The following DYNLT3 variants were observed in gnomAD, a reference collection of about 807,000 sequenced individuals.
DYNLT3 encodes the protein protein 91/23.
Under a neutral mutation model 11.0 loss-of-function variants are expected in DYNLT3, and 4 were observed. The ratio of observed to expected loss-of-function variants is 0.36; its 90% CI spans 0.18 to 0.83. The LOEUF is 0.83. Ranked by LOEUF, DYNLT3 falls within the 40% of genes least tolerant of loss-of-function variation. DYNLT3 has a pLI of 0.47. For missense variants in DYNLT3, 91 were observed against 91.1 expected (o/e 1.00, Z 0.01); for synonymous variants, 37 against 31.2 (o/e 1.18, Z -0.61).
At chrX:37,841,425 T>C (rs947600284) in intron 3 of DYNLT3, among the ~76,000 whole-genome samples, 1 of 110,950 alleles carries the variant, frequency 9.0e-6, no homozygotes, top group East Asian at 2.8e-4. Context: ...GACACAGAAA[T>C]GCAGGAAATA....
At chrX:37,841,400 C>T (rs760355861) in intron 3 of DYNLT3, among the ~76,000 whole-genome samples, 1 of 111,542 alleles carries the variant, frequency 9.0e-6, no homozygotes, top group South Asian at 3.8e-4. Flanking sequence ...TGCTTTGTAC[C>T]ATGGGCAGAA....
intron 1 of DYNLT3, 96 bp downstream of exon 1, chrX:37,847,385 T>G (rs2146836996): frequency 1.0e-6 from 1 of 986,749 alleles, no homozygotes; most frequent in South Asian, 3.8e-5. Context: ...GCACCCCAAC[T>G]CTTGGGACCG....
chrX:37,843,043 G>A (rs1373173572), intron 2 of DYNLT3, among the ~76,000 whole-genome samples: 4 of 111,574 alleles, frequency 3.6e-5, no homozygotes, highest in African/African-American at 9.8e-5. Flanking sequence ...ATTTATGAAG[G>A]CACTAATACA....
In DYNLT3 at chrX:37,839,000, A is replaced by C. The variant is rs1930092799; in HGVS notation, c.*1575T>G. 1 of 111,801 alleles carries C rather than the reference A, an allele frequency of 8.9e-6. No homozygotes were observed. Among genetic ancestry groups the C allele is most frequent in the Non-Finnish European group, 1.9e-5 (1 of 53,200 alleles). 9.2% of individuals were successfully genotyped at this position (111,801 alleles called of 1,213,427 possible). A position where few individuals can be genotyped will look rare whatever the true frequency, so the allele number is the denominator to read the frequency against. On this transcript the variant is annotated 3_prime_UTR_variant, in exon 5 of 5. Transcript: ENST00000378578. Reference sequence around the variant, plus strand: ...CTATTATGATCTTCCAGGGCACAAAAGCCAGCAGCATAAAGAAACATGAAT... The same window carrying C: ...CTATTATGATCTTCCAGGGCACAAACGCCAGCAGCATAAAGAAACATGAAT...
chrX:37,841,579 T>C (rs1231407417), intron 3 of DYNLT3, among the ~76,000 whole-genome samples: 3 of 111,888 alleles, frequency 2.7e-5, no homozygotes, highest in Non-Finnish European at 3.8e-5. Flanking sequence ...CAAAGAAAAG[T>C]AGCTCAAACT....
chrX:37,841,228 A>C, intron 3 of DYNLT3, 123 bp from the exon 4 acceptor site: 2 of 505,941 alleles, frequency 4.0e-6, no homozygotes, highest in Non-Finnish European at 6.3e-6. Flanking sequence ...AACAAACAAA[A>C]AACAGAAAAC....
rs1930119313 is a variant in DYNLT3 at position 37,840,445 on chromosome X, T to G, written c.*130A>C. The G allele has an allele frequency of 2.1e-6, 1 of 475,070 alleles. No individual in the cohort carries two copies. Among genetic ancestry groups the G allele is most frequent in the African/African-American group, 2.5e-5 (1 of 40,104 alleles). 39.2% of individuals were successfully genotyped at this position (475,070 alleles called of 1,213,427 possible). On this transcript the variant is annotated 3_prime_UTR_variant, in exon 5 of 5. Transcript: ENST00000378578. ...TATTGCTTGCTTATAATATTCAGTT[T>G]TTGTTGATAGCTTTAAAGCATATTG...
At chrX:37,840,913 T>C (rs1048795049) in intron 4 of DYNLT3, 115 bp downstream of exon 4, 1 of 780,200 alleles carries the variant, frequency 1.3e-6, no homozygotes, top group Non-Finnish European at 1.9e-6. Context: ...TACAAAGCAA[T>C]ACTGTTGATA....
rs1355339895 is a variant in DYNLT3, at chrX:37,840,552, T to C, written c.*23A>G. On this transcript the variant is annotated 3_prime_UTR_variant, in exon 5 of 5. Coordinates refer to ENST00000378578, the MANE Select transcript of DYNLT3 (RefSeq NM_006520.3). ...ACTGACAAATTCTTAAGTTAATGGC[T>C]TTAGCCCAACATTTTTAGTCAGTTA... 2 of 1,176,107 alleles carry C rather than the reference T, an allele frequency of 1.7e-6. No homozygotes were observed. Among genetic ancestry groups the C allele is most frequent in the East Asian group, 6.1e-5 (2 of 32,667 alleles).
At position 37,840,584 on chromosome X, in the gene DYNLT3, A is replaced by G. The variant is rs1183509788; in HGVS notation, c.342T>C (p.Ile114=). 11 of 1,203,734 alleles carry G rather than the reference A, an allele frequency of 9.1e-6. No homozygotes were observed. Among genetic ancestry groups the G allele is most frequent in the Non-Finnish European group, 1.1e-5 (10 of 891,605 alleles). ...CAACATTTTTAGTCAGTTAAAGAAC[A>G]ATAGCAATGGCAAAAACGTTGACAA... ...NCIVNVFAIA[I]VL is the part of the protein sequence containing the mutation. Residue 114 remains isoleucine, a synonymous_variant, in exon 5 of 5, where the codon ATT becomes ATC. Coordinates refer to ENST00000378578, the MANE Select transcript of DYNLT3 (RefSeq NM_006520.3).
At chrX:37,841,224 CA>C in intron 3 of DYNLT3, 119 bp from the exon 4 acceptor site, 1 of 519,988 alleles carries the variant, frequency 1.9e-6, no homozygotes, top group Non-Finnish European at 3.0e-6. Context: ...AACAAACAAA[CA>C]AAAAACAGAA....
At position 37,847,547 on chromosome X, in the gene DYNLT3, C is replaced by G. The variant is rs1283584754; in HGVS notation, c.-37G>C. The G allele has an allele frequency of 4.2e-6, 4 of 959,861 alleles. No individual in the cohort carries two copies. The African/African-American group carries it at 6.1e-5, about 15-fold the overall frequency. 79.1% of individuals were successfully genotyped at this position (959,861 alleles called of 1,213,427 possible). On this transcript the variant is annotated 5_prime_UTR_variant, in exon 1 of 5. Transcript: ENST00000378578. Reference sequence around the variant, plus strand: ...CTCTCCCTGGGGCGGAGCGACACGCCGGTAGAGCACCGCGGCCGCGCACTG... The same window carrying G: ...CTCTCCCTGGGGCGGAGCGACACGCGGGTAGAGCACCGCGGCCGCGCACTG...
intron 2 of DYNLT3, 107 bp from the exon 3 acceptor site, chrX:37,842,012 T>C (rs1006518044): frequency 4.0e-6 from 3 of 759,065 alleles, no homozygotes; most frequent in African/African-American, 4.3e-5. Flanking sequence ...AATATACTTA[T>C]AGCTCAATAA....
intron 3 of DYNLT3, among the ~76,000 whole-genome samples, chrX:37,841,336 C>T (rs1930154139): frequency 8.9e-6 from 1 of 112,049 alleles, no homozygotes; most frequent in Non-Finnish European, 1.9e-5. Flanking sequence ...GTTTTCTGAC[C>T]ATTGTCATTA....
Position 37,841,144 on chromosome X carries a change from A to G in DYNLT3, c.197-39T>C, listed in dbSNP as rs1011448704. ...CACAGAATGAGGGCACTTACAGACA[A>G]AGGAAAAGAGAACCAAGGTCAAAGT... On this transcript the variant is annotated intron_variant, in intron 3 of 4. Coordinates refer to ENST00000378578, the MANE Select transcript of DYNLT3 (RefSeq NM_006520.3). 10 of 1,143,995 alleles carry G rather than the reference A, an allele frequency of 8.7e-6. No homozygotes were observed. The African/African-American group carries it at 1.8e-4, about 21-fold the overall frequency. The allele number at this position is 1,143,995 out of a possible 1,213,427, so 94.3% of individuals were successfully genotyped here. A position where few individuals can be genotyped will look rare whatever the true frequency, so the allele number is the denominator to read the frequency against.
chrX:37,846,995 G>C, intron 1 of DYNLT3: 2 of 1,165,525 alleles, frequency 1.7e-6, no homozygotes, highest in Non-Finnish European at 2.3e-6. Flanking sequence ...GTAAGCAAGG[G>C]CTCGTAATCC....
intron 3 of DYNLT3, 39 bp downstream of exon 3, chrX:37,841,743 A>G: frequency 1.8e-6 from 2 of 1,119,915 alleles, no homozygotes; most frequent in Non-Finnish European, 1.2e-6. Flanking sequence ...CACAATGACA[A>G]AAGCAAGTGA....
At chrX:37,840,723 TACACACACAC>T (rs750332268) in intron 4 of DYNLT3, 72 bp from the exon 5 acceptor site, 3 of 413,234 alleles carry the variant, frequency 7.3e-6, no homozygotes, top group East Asian at 5.3e-5. Flanking sequence ...TATATATATA[TACACACACAC>T]ACACACACAC....
In DYNLT3 at chrX:37,840,420, T is replaced by C. The variant is rs1004903940; in HGVS notation, c.*155A>G. ...TGAGCTAATCTGCCAATTACTATGA[T>C]ATTGCTTGCTTATAATATTCAGTTT... On this transcript the variant is annotated 3_prime_UTR_variant, in exon 5 of 5. Coordinates refer to ENST00000378578, the MANE Select transcript of DYNLT3 (RefSeq NM_006520.3). 5 of 388,078 alleles carry C rather than the reference T, an allele frequency of 1.3e-5. No homozygotes were observed. Among genetic ancestry groups the C allele is most frequent in the Non-Finnish European group, 1.7e-5 (4 of 232,986 alleles). 32.0% of individuals were successfully genotyped at this position (388,078 alleles called of 1,213,427 possible).
Sources: gnomAD v4.1 joint callset for allele counts (sites outside exome capture counted in the v4.1 genomes callset) on GRCh38, gnomAD v4.1.1 for gene constraint, MANE v1.5 for transcripts, NCBI Gene and HGNC (gene_info 2026-07-23, HGNC 2026-07-21) for gene names.